The following GALNT17 variants were observed in gnomAD, a reference collection of about 807,000 sequenced individuals.
GALNT17 encodes the protein UDP-GalNAc:polypeptide N-acetylgalactosaminyltransferase-like 3.
A neutral mutation model predicts 63.7 loss-of-function variants in GALNT17; 29 were observed. That is an observed-to-expected ratio of 0.46 (90% CI 0.34 to 0.62). The LOEUF is 0.62. Ranked by LOEUF, GALNT17 falls within the 20% of genes least tolerant of loss-of-function variation. GALNT17 has a pLI of 0.01. For missense variants in GALNT17, 603 were observed against 799.6 expected (o/e 0.75, Z 2.97); for synonymous variants, 305 against 318.3 (o/e 0.96, Z 0.45).
intron 1 of GALNT17, among the ~76,000 whole-genome samples, chr7:71,227,755 G>A (rs1379835049): frequency 6.6e-6 from 1 of 152,168 alleles, no homozygotes; most frequent in Admixed American, 6.5e-5. Context: ...GTCAGCTGCA[G>A]CCATGAATTT....
chr7:71,426,321 T>C (rs1007186655), intron 5 of GALNT17, among the ~76,000 whole-genome samples: 4 of 152,228 alleles, frequency 2.6e-5, no homozygotes, highest in African/African-American at 9.6e-5. Flanking sequence ...CAGCCCTCTC[T>C]GCTGAGGTTC....
intron 1 of GALNT17, among the ~76,000 whole-genome samples, chr7:71,286,984 G>C (rs1218597221): frequency 6.6e-6 from 1 of 151,872 alleles, no homozygotes; most frequent in Non-Finnish European, 1.5e-5. Context: ...ATAGAGACAC[G>C]GAACTCCCCA....
chr7:71,417,972 C>T (rs1786570180), intron 4 of GALNT17, among the ~76,000 whole-genome samples: 1 of 152,172 alleles, frequency 6.6e-6, no homozygotes, highest in South Asian at 2.1e-4. Flanking sequence ...TTCACCTAAA[C>T]CAATGCGGTC....
At chr7:71,505,562 T>C (rs1290593160) in intron 5 of GALNT17, among the ~76,000 whole-genome samples, 1 of 152,094 alleles carries the variant, frequency 6.6e-6, no homozygotes, top group Non-Finnish European at 1.5e-5. Flanking sequence ...ATCTTGCCAC[T>C]GCTCTCCAGC....
At chr7:71,606,915 G>T (rs1163521733) in intron 6 of GALNT17, among the ~76,000 whole-genome samples, 1 of 152,178 alleles carries the variant, frequency 6.6e-6, no homozygotes, top group African/African-American at 2.4e-5. Context: ...AAAGACAAGG[G>T]TAGTGGGGGT....
In GALNT17 at chr7:71,501,675, A is replaced by T. The variant is rs115737351; in HGVS notation, c.963-69610A>T. Among the ~76,000 whole-genome samples the T allele has an allele frequency of 2.4e-3, 368 of 152,200 alleles. 2 individuals carry two copies. The highest frequency in any genetic ancestry group is 8.5e-3 in the African/African-American group (353 of 41,538). On this transcript the variant is annotated intron_variant, in intron 5 of 10. Coordinates refer to ENST00000333538, the MANE Select transcript of GALNT17 (RefSeq NM_022479.3). ...TTGATAGGGACTCTTAGTGCAGGGCAGACAGGCTCTGATCAACACCCCAAG... is the reference window on the plus strand; with the variant it reads ...TTGATAGGGACTCTTAGTGCAGGGCTGACAGGCTCTGATCAACACCCCAAG...
intron 6 of GALNT17, among the ~76,000 whole-genome samples, chr7:71,575,455 T>C (rs1789520625): frequency 6.6e-6 from 1 of 151,572 alleles, no homozygotes; most frequent in Admixed American, 6.6e-5. Context: ...AGTGACGCGA[T>C]CTTGGCTCAC....
In GALNT17 at chr7:71,710,835, C is replaced by G. The variant is rs1298254646; in HGVS notation, c.1575C>G (p.Arg525=). ...CCACCACACTCCTCCCTGACACCCG[C>G]TGCCTGGTGGACAACTCCAAGAGTC... The part of the protein sequence containing the change: ...LGTTTLLPDT[R]CLVDNSKSRL... Residue 525 remains arginine, a synonymous_variant, in exon 10 of 11, where the codon CGC becomes CGG. Transcript: ENST00000333538. 1 of 1,613,856 alleles carries G rather than the reference C, an allele frequency of 6.2e-7. No homozygotes were observed. The highest frequency in any genetic ancestry group is 8.5e-7 in the Non-Finnish European group (1 of 1,179,972).
At chr7:71,164,189 A>G (rs1788395173) in intron 1 of GALNT17, among the ~76,000 whole-genome samples, 1 of 152,242 alleles carries the variant, frequency 6.6e-6, no homozygotes, top group African/African-American at 2.4e-5. Flanking sequence ...TCACACTGCT[A>G]TAAAGATACT....
chr7:71,637,162 T>TTTG (rs1217230333), intron 6 of GALNT17, among the ~76,000 whole-genome samples: 2 of 152,170 alleles, frequency 1.3e-5, no homozygotes, highest in African/African-American at 4.8e-5. Flanking sequence ...CTCTCATTAC[T>TTTG]TTGTTGTTGT....
At chr7:71,144,811 C>T (rs937158743) in intron 1 of GALNT17, among the ~76,000 whole-genome samples, 1 of 152,114 alleles carries the variant, frequency 6.6e-6, no homozygotes, top group Non-Finnish European at 1.5e-5. Flanking sequence ...TCACTGCAAC[C>T]TCTGCCTCCT....
At chr7:71,548,365 T>C (rs923082552) in intron 5 of GALNT17, among the ~76,000 whole-genome samples, 2 of 152,374 alleles carry the variant, frequency 1.3e-5, no homozygotes, top group South Asian at 2.1e-4. Flanking sequence ...TCTTTTTTTA[T>C]GCTTTCTTGC....
intron 5 of GALNT17, among the ~76,000 whole-genome samples, chr7:71,469,946 C>T (rs553293590): frequency 4.5e-4 from 68 of 152,332 alleles, no homozygotes; most frequent in Non-Finnish European, 8.4e-4. Context: ...CAGTGGCTCA[C>T]GCCTATAATC....
chr7:71,560,079 A>G (rs910835993), intron 5 of GALNT17, among the ~76,000 whole-genome samples: 3 of 150,354 alleles, frequency 2.0e-5, no homozygotes, highest in East Asian at 2.0e-4. Flanking sequence ...CTGTAATCCC[A>G]GCTACTCGGG....
At chr7:71,453,619 T>A (rs780008121) in intron 5 of GALNT17, among the ~76,000 whole-genome samples, 43 of 152,178 alleles carry the variant, frequency 2.8e-4, no homozygotes, top group Non-Finnish European at 5.4e-4. Context: ...CAATTCAAGA[T>A]GAGATTTGGG....
chr7:71,440,172 C>A (rs1264858958), intron 5 of GALNT17, among the ~76,000 whole-genome samples: 3 of 151,670 alleles, frequency 2.0e-5, no homozygotes, highest in Non-Finnish European at 2.9e-5. Context: ...TCGAGTGATC[C>A]ATCTTTTCAG....
In GALNT17 at chr7:71,377,114, A is replaced by AAAATATATATATAT; in HGVS notation, c.423-11120_423-11119insAATATATATATATA. ...AAAAAAAAAAAATAAAAATAAAAAAAATATATATATATATATATATATATA... is the reference window on the plus strand; with the variant it reads ...AAAAAAAAAAAATAAAAATAAAAAAAAAATATATATATATATATATATATATATATATATATATA... On this transcript the variant is annotated intron_variant, in intron 2 of 10. Transcript: ENST00000333538. Among the ~76,000 whole-genome samples the AAAATATATATATAT allele has an allele frequency of 3.0e-4, 17 of 57,464 alleles. 1 individual carries two copies. The highest frequency in any genetic ancestry group is 4.7e-4 in the African/African-American group (5 of 10,674). The allele number at this position is 57,464 out of a possible 152,430, so 37.7% of individuals were successfully genotyped here. A position where few individuals can be genotyped will look rare whatever the true frequency, so the allele number is the denominator to read the frequency against.
chr7:71,452,576 G>A (rs998012592), intron 5 of GALNT17, among the ~76,000 whole-genome samples: 1 of 152,148 alleles, frequency 6.6e-6, no homozygotes, highest in Non-Finnish European at 1.5e-5. Flanking sequence ...AAGGATTTTA[G>A]GGAGGCCTAA....
At chr7:71,295,405 T>C (rs535448535) in intron 1 of GALNT17, among the ~76,000 whole-genome samples, 2 of 151,910 alleles carry the variant, frequency 1.3e-5, no homozygotes, top group Non-Finnish European at 2.9e-5. Context: ...GAAGCCTGCC[T>C]TTCTCCCTTC....
Sources: gnomAD v4.1 joint callset for allele counts (sites outside exome capture counted in the v4.1 genomes callset) on GRCh38, gnomAD v4.1.1 for gene constraint, MANE v1.5 for transcripts, NCBI Gene and HGNC (gene_info 2026-07-23, HGNC 2026-07-21) for gene names.